HEATR5A: variants seen among roughly 807,000 people sequenced by gnomAD.
The protein encoded by HEATR5A is HEAT repeat-containing protein 5A.
Under a neutral mutation model 218.8 loss-of-function variants are expected in HEATR5A, and 178 were observed. The observed-to-expected ratio is 0.81, with a 90% CI of 0.72 to 0.92. The LOEUF (loss-of-function observed/expected upper bound fraction) is 0.92. Among genes scored for constraint, HEATR5A ranks in the 40% least tolerant of loss-of-function variants. HEATR5A has a pLI of 0.00. For missense variants in HEATR5A, 2,420 were observed against 2,418.9 expected (o/e 1.00, Z -0.01); for synonymous variants, 864 against 871.6 (o/e 0.99, Z 0.15).
intron 12 of HEATR5A, among the ~76,000 whole-genome samples, chr14:31,373,163 C>T (rs1188859571): frequency 6.6e-6 from 1 of 152,060 alleles, no homozygotes; most frequent in Non-Finnish European, 1.5e-5. Flanking sequence ...CTCAAGCAAT[C>T]CACTCATCTC....
At chr14:31,300,047 C>G (rs1741693212) in intron 33 of HEATR5A, among the ~76,000 whole-genome samples, 1 of 151,980 alleles carries the variant, frequency 6.6e-6, no homozygotes, top group Admixed American at 6.6e-5. Context: ...ACAACAACCA[C>G]AACAAAACAT....
intron 16 of HEATR5A, among the ~76,000 whole-genome samples, chr14:31,358,137 C>T (rs181811263): frequency 3.3e-5 from 5 of 152,310 alleles, no homozygotes; most frequent in South Asian, 2.1e-4. Context: ...CCTATCCCTA[C>T]GCCATGGACG....
intron 4 of HEATR5A, 54 bp from the exon 5 acceptor site, chr14:31,395,402 G>T (rs2030617002): frequency 1.0e-6 from 1 of 968,870 alleles, no homozygotes; most frequent in Non-Finnish European, 1.5e-6. Context: ...GCAAAGAACA[G>T]GATTAAACAT....
Position 31,294,059 on chromosome 14 carries a change from G to A in HEATR5A, c.5665C>T (p.Pro1889Ser). Reference sequence around the variant, plus strand: ...TATGGGTAGGAAACAGCTGGATTTGGATACTGAAAGATGGAATGTAGGAGC... The same window carrying A: ...TATGGGTAGGAAACAGCTGGATTTGAATACTGAAAGATGGAATGTAGGAGC... ...YQLLHSIFQY[P>S]NPAVSYPYIY... The change falls in exon 35 of 36, where the codon CCA becomes TCA. Residue 1889 changes from proline (P) to serine (S), a missense_variant. Pro to Ser is a moderately conservative substitution (Grantham distance 74, BLOSUM62 -1). Coordinates refer to ENST00000543095, the MANE Select transcript of HEATR5A (RefSeq NM_015473.4). 1 of 1,601,436 alleles carries A rather than the reference G, an allele frequency of 6.2e-7. No individual in the cohort carries two copies. The highest frequency in any genetic ancestry group is 8.5e-7 in the Non-Finnish European group (1 of 1,173,534).
chr14:31,343,639 T>C (rs1217558343), intron 21 of HEATR5A, among the ~76,000 whole-genome samples: 1 of 152,178 alleles, frequency 6.6e-6, no homozygotes, highest in African/African-American at 2.4e-5. Context: ...GCACACAATA[T>C]GTTTTCATTG....
chr14:31,365,178 T>C (rs1020857046), intron 13 of HEATR5A, among the ~76,000 whole-genome samples: 2 of 152,126 alleles, frequency 1.3e-5, no homozygotes, highest in Non-Finnish European at 2.9e-5. Context: ...CGGCCAGGAC[T>C]ACTACTTTTA....
intron 13 of HEATR5A, among the ~76,000 whole-genome samples, chr14:31,367,829 C>T (rs184476561): frequency 1.5e-4 from 23 of 152,032 alleles, no homozygotes; most frequent in African/African-American, 5.1e-4. Context: ...ATAAAGATAA[C>T]GTGTTGGCAT....
chr14:31,367,806 TA>T (rs1901861799), intron 13 of HEATR5A, among the ~76,000 whole-genome samples: 1 of 151,786 alleles, frequency 6.6e-6, no homozygotes. Context: ...TAATCTAACA[TA>T]CAAAATTTAT....
At chr14:31,384,468 T>C (rs796822913) in intron 9 of HEATR5A, among the ~76,000 whole-genome samples, 1 of 150,528 alleles carries the variant, frequency 6.6e-6, no homozygotes, top group African/African-American at 2.4e-5. Context: ...AGTCATACCC[T>C]GCCCCACCCT....
At chr14:31,395,119 T>C (rs917944188) in intron 5 of HEATR5A, 80 bp downstream of exon 5, 2 of 937,002 alleles carry the variant, frequency 2.1e-6, no homozygotes, top group African/African-American at 3.2e-5. Flanking sequence ...ATCATGTAGC[T>C]TTTACTAATG....
intron 1 of HEATR5A, among the ~76,000 whole-genome samples, chr14:31,411,030 T>C (rs544787378): frequency 6.6e-6 from 1 of 152,318 alleles, no homozygotes; most frequent in East Asian, 1.9e-4. Flanking sequence ...GGTTCAAACC[T>C]ATGCATATTA....
chr14:31,315,646 CT>C, intron 27 of HEATR5A, 123 bp downstream of exon 27: 1 of 661,820 alleles, frequency 1.5e-6, no homozygotes. Flanking sequence ...TGTTGGAATT[CT>C]TTTTGTTTAA....
At position 31,295,956 on chromosome 14, in the gene HEATR5A, G is replaced by A. The variant is rs778005452; in HGVS notation, c.5572C>T (p.Arg1858Cys). The A allele has an allele frequency of 1.1e-4, 176 of 1,613,306 alleles. No homozygotes were observed. Among genetic ancestry groups the A allele is most frequent in the Non-Finnish European group, 1.4e-4 (161 of 1,179,570 alleles). ...EVTTIPCLQK[R>C]CIDKFKATLE... ...GTAGCTTTAAATTTATCAATACAGC[G>A]CTTCTGAAGGCATGGGATGGTAGTT... The change falls in exon 34 of 36, where the codon CGC (arginine) becomes TGC (cysteine). Residue 1858 changes from arginine (R) to cysteine (C), a missense_variant. By Grantham distance (180) the Arg-to-Cys change is radical. Coordinates refer to ENST00000543095, the MANE Select transcript of HEATR5A (RefSeq NM_015473.4).
intron 16 of HEATR5A, among the ~76,000 whole-genome samples, chr14:31,352,417 A>T (rs926426479): frequency 1.3e-5 from 2 of 152,204 alleles, no homozygotes; most frequent in African/African-American, 4.8e-5. Flanking sequence ...ATATACTTTC[A>T]TCTGACCTTC....
chr14:31,364,262 C>T lies in HEATR5A; in HGVS notation c.1998G>A (p.Leu666=). 1 of 1,548,764 alleles carries T rather than the reference C, an allele frequency of 6.5e-7. No homozygotes were observed. The highest frequency in any genetic ancestry group is 8.8e-7 in the Non-Finnish European group (1 of 1,142,708). The part of the protein sequence containing the change: ...SSILKMYGSP[L]KTPSVVYRQR... ...GTCTATAAACCACTGACGGTGTTTT[C>T]AAAGGACTTCCATACATTTTTAGTA... The change falls in exon 14 of 36, where the codon TTG becomes TTA. Residue 666 remains leucine, a synonymous_variant. Transcript: ENST00000543095.
chr14:31,400,844 GTT>G (rs11338934), intron 2 of HEATR5A, among the ~76,000 whole-genome samples: 95 of 137,960 alleles, frequency 6.9e-4, no homozygotes, highest in African/African-American at 5.5e-4. Context: ...TATTATTATT[GTT>G]TTTTTTTTTT....
intron 4 of HEATR5A, among the ~76,000 whole-genome samples, chr14:31,398,334 T>C (rs1438980393): frequency 2.0e-5 from 3 of 152,214 alleles, no homozygotes; most frequent in African/African-American, 4.8e-5. Context: ...ATGTAGTCCC[T>C]GGTGACAAGC....
At chr14:31,320,688 C>T (rs947066346) in intron 25 of HEATR5A, 31 of 479,556 alleles carry the variant, frequency 6.5e-5, no homozygotes, top group South Asian at 1.1e-4. Flanking sequence ...TTCCCCCACC[C>T]GGAAAATCAA....
At chr14:31,394,620 C>T (rs2030581082) in intron 5 of HEATR5A, among the ~76,000 whole-genome samples, 1 of 151,924 alleles carries the variant, frequency 6.6e-6, no homozygotes, top group Non-Finnish European at 1.5e-5. Context: ...TAGAGACCAT[C>T]CTGGCTAAGA....
Sources: allele counts gnomAD v4.1 joint callset (sites outside exome capture counted in the v4.1 genomes callset), GRCh38; gene constraint gnomAD v4.1.1; transcripts MANE v1.5; gene names NCBI Gene and HGNC (gene_info 2026-07-23, HGNC 2026-07-21).